Variants in SYT1 observed in about 807,000 individuals in gnomAD.
SYT1 encodes synaptotagmin 1, also known as synaptotagmin-1.
Under a neutral mutation model 44.8 loss-of-function variants are expected in SYT1, and 8 were observed. That is an observed-to-expected ratio of 0.18 (90% CI 0.10 to 0.32). SYT1 has a LOEUF of 0.32. SYT1 is among the 10% of genes least tolerant of loss of function. SYT1 has a pLI of 1.00. For missense variants in SYT1, 286 were observed against 509.3 expected (o/e 0.56, Z 4.22); for synonymous variants, 154 against 188.8 (o/e 0.82, Z 1.51).
intron 1 of SYT1, among the ~76,000 whole-genome samples, chr12:78,941,917 G>A (rs1307166141): frequency 6.6e-6 from 1 of 152,154 alleles, no homozygotes; most frequent in Non-Finnish European, 1.5e-5. Flanking sequence ...TGCCATTCAA[G>A]GACCATCACT....
chr12:79,418,932 A>G (rs1341549840), intron 9 of SYT1, among the ~76,000 whole-genome samples: 1 of 152,124 alleles, frequency 6.6e-6, no homozygotes, highest in Non-Finnish European at 1.5e-5. Context: ...CTAATTCAGA[A>G]TTTCTGGGGG....
chr12:78,937,535 A>T (rs1286762452), intron 1 of SYT1, among the ~76,000 whole-genome samples: 2 of 152,170 alleles, frequency 1.3e-5, no homozygotes, highest in Non-Finnish European at 2.9e-5. Context: ...GGAATAAAAA[A>T]GAGAGGTTGT....
chr12:79,344,089 C>A (rs1307870799), intron 8 of SYT1, among the ~76,000 whole-genome samples: 1 of 152,286 alleles, frequency 6.6e-6, no homozygotes, highest in East Asian at 1.9e-4. Context: ...ACTGTGTTAT[C>A]CAGACCTGTT....
At chr12:79,055,285 C>T (rs980402514) in intron 3 of SYT1, among the ~76,000 whole-genome samples, 5 of 151,854 alleles carry the variant, frequency 3.3e-5, no homozygotes, top group Non-Finnish European at 5.9e-5. Context: ...TTTGTAAGCT[C>T]TCATTGATAT....
chr12:79,200,091 T>C (rs1873691752), intron 3 of SYT1, among the ~76,000 whole-genome samples: 1 of 152,040 alleles, frequency 6.6e-6, no homozygotes, highest in African/African-American at 2.4e-5. Context: ...GCTACTGAAA[T>C]GGTAGAATAG....
rs1874894601 is a variant in SYT1 at position 79,217,642 on chromosome 12, T to A, written c.123T>A (p.Ser41=). ...GAGAAGGAAAGGAAGATGCATTTTC[T>A]AAGCTGAAGGAGAAGTTTATGAATG... ...SPGEGKEDAF[S]KLKEKFMNEL... The change falls in exon 4 of 11, where the codon TCT becomes TCA. Residue 41 remains serine, a synonymous_variant. Transcript: ENST00000261205. 6.2e-7 allele frequency: 1 copy of A among 1,613,092 alleles called. No individual in the cohort carries two copies. Among genetic ancestry groups the A allele is most frequent in the Non-Finnish European group, 8.5e-7 (1 of 1,179,604 alleles).
At chr12:79,115,643 C>G (rs537724280) in intron 3 of SYT1, among the ~76,000 whole-genome samples, 1 of 152,172 alleles carries the variant, frequency 6.6e-6, no homozygotes, top group African/African-American at 2.4e-5. Flanking sequence ...ACATCTTGTT[C>G]TTTCCACAGA....
At chr12:78,892,799 A>C (rs1261727920) in intron 1 of SYT1, among the ~76,000 whole-genome samples, 1 of 151,790 alleles carries the variant, frequency 6.6e-6, no homozygotes, top group Non-Finnish European at 1.5e-5. Flanking sequence ...ATGACAAATA[A>C]CGGTAAAGAG....
Position 79,082,502 on chromosome 12 carries a change from G to A in SYT1, c.-18+35140G>A, listed in dbSNP as rs112669184. 5.7e-3 allele frequency among the ~76,000 whole-genome samples: 869 copies of A among 152,256 alleles called. 11 individuals carry two copies. Among genetic ancestry groups the A allele is most frequent in the African/African-American group, 0.017 (721 of 41,550 alleles). ...CTATCCTCAGGAAACTGGTACAACAGAGCAGAAGTCAGACAATAAATGAAT... is the reference window on the plus strand; with the variant it reads ...CTATCCTCAGGAAACTGGTACAACAAAGCAGAAGTCAGACAATAAATGAAT... On this transcript the variant is annotated intron_variant, in intron 3 of 10. Transcript: ENST00000261205.
intron 1 of SYT1, among the ~76,000 whole-genome samples, chr12:78,974,622 G>C (rs540217057): frequency 2.3e-3 from 352 of 151,992 alleles, no homozygotes; most frequent in Non-Finnish European, 3.0e-3. Flanking sequence ...ATTTTTAGTA[G>C]AGACGGGGTT....
intron 8 of SYT1, among the ~76,000 whole-genome samples, chr12:79,303,908 C>G (rs1880267411): frequency 6.6e-6 from 1 of 152,124 alleles, no homozygotes; most frequent in Admixed American, 6.5e-5. Context: ...CAGACGGCAA[C>G]TATGCTCTCC....
intron 1 of SYT1, among the ~76,000 whole-genome samples, chr12:78,904,948 C>G (rs1875879765): frequency 6.6e-6 from 1 of 152,104 alleles, no homozygotes; most frequent in Non-Finnish European, 1.5e-5. Flanking sequence ...ATTGTCCTAT[C>G]TTGAGTCTCA....
At chr12:79,302,954 T>C (rs1233798386) in intron 8 of SYT1, among the ~76,000 whole-genome samples, 1 of 152,196 alleles carries the variant, frequency 6.6e-6, no homozygotes, top group Non-Finnish European at 1.5e-5. Flanking sequence ...TCTCAGTATA[T>C]GGCTTCAAAA....
At chr12:78,969,951 T>A (rs1181784058) in intron 1 of SYT1, among the ~76,000 whole-genome samples, 1 of 152,136 alleles carries the variant, frequency 6.6e-6, no homozygotes, top group Non-Finnish European at 1.5e-5. Context: ...TTCCTAATAA[T>A]GGGAATGATT....
chr12:78,983,914 G>T (rs1462460599), intron 2 of SYT1, among the ~76,000 whole-genome samples: 1 of 151,902 alleles, frequency 6.6e-6, no homozygotes, highest in Non-Finnish European at 1.5e-5. Context: ...TCAAAAATTT[G>T]ATACATAAAG....
At chr12:79,117,662 CATATATAT>C (rs57706449) in intron 3 of SYT1, among the ~76,000 whole-genome samples, 1,832 of 38,846 alleles carry the variant, frequency 0.047, 76 homozygotes, top group African/African-American at 0.054. Flanking sequence ...TGTATTACAT[CATATATAT>C]ATATATATAT....
At chr12:79,342,609 A>G (rs576491607) in intron 8 of SYT1, among the ~76,000 whole-genome samples, 5 of 152,344 alleles carry the variant, frequency 3.3e-5, no homozygotes, top group Non-Finnish European at 5.9e-5. Context: ...AGTAATCTAT[A>G]TGAGAGATTA....
intron 1 of SYT1, among the ~76,000 whole-genome samples, chr12:78,942,431 C>T (rs756751686): frequency 6.6e-6 from 1 of 152,206 alleles, no homozygotes; most frequent in East Asian, 1.9e-4. Flanking sequence ...TTTCTCATGG[C>T]CTCTCTCCAT....
intron 9 of SYT1, among the ~76,000 whole-genome samples, chr12:79,365,617 T>C (rs1794632232): frequency 6.6e-6 from 1 of 152,072 alleles, no homozygotes; most frequent in South Asian, 2.1e-4. Flanking sequence ...AGAAAAGCAA[T>C]AGGAGAAAGT....
Sources: allele counts gnomAD v4.1 joint callset (sites outside exome capture counted in the v4.1 genomes callset), GRCh38; gene constraint gnomAD v4.1.1; transcripts MANE v1.5; gene names NCBI Gene and HGNC (gene_info 2026-07-23, HGNC 2026-07-21).